Variants in DCC observed in about 807,000 individuals in gnomAD.
DCC encodes the protein netrin receptor DCC.
In DCC, 58 loss-of-function variants were observed where a neutral mutation model predicts 172.5. That is an observed-to-expected ratio of 0.34 (90% CI 0.27 to 0.42). DCC has a LOEUF of 0.42. Among genes scored for constraint, DCC ranks in the 10% least tolerant of loss-of-function variants. The pLI is 1.00. For missense variants in DCC, 1,740 were observed against 1,791.0 expected (o/e 0.97, Z 0.51); for synonymous variants, 709 against 644.5 (o/e 1.10, Z -1.52).
chr18:53,172,833 T>C (rs755083381), intron 8 of DCC, among the ~76,000 whole-genome samples: 1 of 152,136 alleles, frequency 6.6e-6, no homozygotes, highest in Non-Finnish European at 1.5e-5. Context: ...TATTGTTGAA[T>C]GATATCAATA....
intron 1 of DCC, among the ~76,000 whole-genome samples, chr18:52,482,722 T>A (rs2030019239): frequency 6.6e-6 from 1 of 152,184 alleles, no homozygotes; most frequent in Non-Finnish European, 1.5e-5. Context: ...ATCTTGGAAC[T>A]ACATAGATTC....
intron 1 of DCC, among the ~76,000 whole-genome samples, chr18:52,430,568 T>C (rs1401465038): frequency 6.6e-6 from 1 of 151,912 alleles, no homozygotes; most frequent in Non-Finnish European, 1.5e-5. Context: ...GTGCTTTGGG[T>C]TTGTGGTAGG....
chr18:52,976,181 T>C (rs72928139), intron 5 of DCC, among the ~76,000 whole-genome samples: 5,341 of 152,224 alleles, frequency 0.035, 123 homozygotes, highest in African/African-American at 0.054. Context: ...TGTCCTTTGC[T>C]CACATTTTTA....
chr18:53,312,358 A>AAAAAAG (rs796997324), intron 13 of DCC, among the ~76,000 whole-genome samples: 3 of 141,220 alleles, frequency 2.1e-5, no homozygotes, highest in East Asian at 4.2e-4. Flanking sequence ...AAAAAAAAAA[A>AAAAAAG]AAAAAGAAAA....
At chr18:53,018,049 C>T (rs1313335441) in intron 5 of DCC, among the ~76,000 whole-genome samples, 18 of 152,270 alleles carry the variant, frequency 1.2e-4, no homozygotes, top group Non-Finnish European at 1.5e-5. Flanking sequence ...GTGAGTTTTA[C>T]ACGTTAATAC....
intron 14 of DCC, among the ~76,000 whole-genome samples, chr18:53,333,322 C>A (rs2057552853): frequency 6.6e-6 from 1 of 152,134 alleles, no homozygotes; most frequent in Non-Finnish European, 1.5e-5. Context: ...ATATCAATTG[C>A]CTTATGTAGT....
intron 22 of DCC, among the ~76,000 whole-genome samples, chr18:53,449,106 C>T (rs776366554): frequency 2.6e-5 from 4 of 151,946 alleles, no homozygotes. Context: ...ATATTTTGCT[C>T]AAGATGTATA....
chr18:53,000,930 C>T (rs577385089), intron 5 of DCC, among the ~76,000 whole-genome samples: 2 of 152,012 alleles, frequency 1.3e-5, no homozygotes, highest in East Asian at 1.9e-4. Context: ...CTCTTACCTA[C>T]ATTCTGAGGG....
At chr18:53,157,841 C>T (rs753648832) in intron 8 of DCC, among the ~76,000 whole-genome samples, 2 of 152,190 alleles carry the variant, frequency 1.3e-5, no homozygotes, top group Non-Finnish European at 2.9e-5. Context: ...ACTACTGTGG[C>T]TAGCTTGTAA....
chr18:52,881,132 A>G (rs2039479419), intron 2 of DCC, among the ~76,000 whole-genome samples: 1 of 152,100 alleles, frequency 6.6e-6, no homozygotes. Context: ...ACTTTTTCAT[A>G]TGCCTCTTTG....
chr18:53,446,077 C>A (rs186602299), intron 22 of DCC, among the ~76,000 whole-genome samples: 98 of 89,388 alleles, frequency 1.1e-3, no homozygotes, highest in African/African-American at 4.3e-3. Flanking sequence ...GCCTGGGCAA[C>A]ATAAGAAGAC....
At chr18:53,306,194 C>T (rs188888158) in intron 13 of DCC, among the ~76,000 whole-genome samples, 1 of 152,230 alleles carries the variant, frequency 6.6e-6, no homozygotes, top group Admixed American at 6.5e-5. Context: ...TTCACTTATG[C>T]AGCAATATTG....
intron 12 of DCC, among the ~76,000 whole-genome samples, chr18:53,225,851 T>A (rs1389836146): frequency 2.0e-5 from 3 of 152,002 alleles, no homozygotes; most frequent in Non-Finnish European, 4.4e-5. Flanking sequence ...GATAGCTGGG[T>A]TTTATTCAGT....
intron 15 of DCC, among the ~76,000 whole-genome samples, chr18:53,361,644 T>G (rs553096473): frequency 6.6e-6 from 1 of 152,168 alleles, no homozygotes. Context: ...CTTATGTTAG[T>G]GTACAGCAGA....
chr18:53,066,497 G>C (rs2042573110), intron 7 of DCC, among the ~76,000 whole-genome samples: 1 of 147,774 alleles, frequency 6.8e-6, no homozygotes, highest in Non-Finnish European at 1.5e-5. Flanking sequence ...GCTTTTCAAG[G>C]CAATAACCAC....
intron 14 of DCC, among the ~76,000 whole-genome samples, chr18:53,324,943 A>G (rs1234643828): frequency 1.3e-5 from 2 of 152,070 alleles, no homozygotes; most frequent in African/African-American, 4.8e-5. Context: ...GGAGCTCAAA[A>G]TTAGGTTTTG....
At chr18:53,268,786 G>C (rs1324547100) in intron 12 of DCC, among the ~76,000 whole-genome samples, 1 of 152,182 alleles carries the variant, frequency 6.6e-6, no homozygotes, top group African/African-American at 2.4e-5. Context: ...AGGATGAGGG[G>C]CCAAAGACAC....
intron 7 of DCC, among the ~76,000 whole-genome samples, chr18:53,144,647 T>C (rs1025823064): frequency 6.6e-6 from 1 of 152,084 alleles, no homozygotes; most frequent in Non-Finnish European, 1.5e-5. Context: ...GAGGTTTGGG[T>C]GGGGACACAG....
chr18:53,147,301 G>T (rs2043930237), intron 7 of DCC, among the ~76,000 whole-genome samples: 1 of 152,110 alleles, frequency 6.6e-6, no homozygotes, highest in Admixed American at 6.5e-5. Flanking sequence ...AGTAGTCGGG[G>T]CCTTTTTCTT....
Sources: allele counts gnomAD v4.1 joint callset (sites outside exome capture counted in the v4.1 genomes callset), GRCh38; gene constraint gnomAD v4.1.1; transcripts MANE v1.5; gene names NCBI Gene and HGNC (gene_info 2026-07-23, HGNC 2026-07-21).